Variants in ANKRD12 observed in about 807,000 individuals in gnomAD.
The protein encoded by ANKRD12 is ankyrin repeat domain-containing protein 12.
ANKRD12 carries 85 observed loss-of-function variants against 183.4 expected under a neutral mutation model. The ratio of observed to expected loss-of-function variants is 0.46; its 90% confidence interval spans 0.39 to 0.56. ANKRD12 has a LOEUF of 0.56. ANKRD12 is among the 20% of genes least tolerant of loss of function. ANKRD12 has a pLI of 0.00. For missense variants in ANKRD12, 2,405 were observed against 2,357.1 expected (o/e 1.02, Z -0.42); for synonymous variants, 914 against 800.2 (o/e 1.14, Z -2.40).
chr18:9,262,786 C>CTTTTTTTTTTTTTTTTTTTTT lies in ANKRD12; in HGVS notation c.5665-1004_5665-1003insTTTTTTTTTTTTTTTTTTTTT, dbSNP rs775877613. 2.0e-4 allele frequency among the ~76,000 whole-genome samples: 18 copies of CTTTTTTTTTTTTTTTTTTTTT among 87,932 alleles called. 8 individuals carry two copies. Among genetic ancestry groups the CTTTTTTTTTTTTTTTTTTTTT allele is most frequent in the Non-Finnish European group, 2.0e-4 (9 of 44,262 alleles). 57.7% of individuals were successfully genotyped at this position (87,932 alleles called of 152,430 possible). On this transcript the variant is annotated intron_variant, in intron 9 of 12. Transcript: ENST00000262126. ...AGCCACCATGCCCAGCCAAGATGTC[C>CTTTTTTTTTTTTTTTTTTTTT]CTTTTTTTTTTTTTTTTTTTTTTTT...
chr18:9,258,442 TA>T lies in ANKRD12; in HGVS notation c.5179del (p.Thr1727LeufsTer9). On this transcript the variant is annotated frameshift_variant, in exon 9 of 13. Coordinates refer to ENST00000262126, the MANE Select transcript of ANKRD12 (RefSeq NM_015208.5). LOFTEE classifies it high-confidence loss of function. ...AATTAGAAGAAAATGCCGAAGATGA[TA>T]AAACTGAAAACCAAATCCCTCAAAG... The part of the protein sequence containing the change: ...VELEENAEDD[K>X]TENQIPQRMT... The T allele has an allele frequency of 6.2e-7, 1 of 1,613,702 alleles. No homozygotes were observed. Among genetic ancestry groups the T allele is most frequent in the Non-Finnish European group, 8.5e-7 (1 of 1,179,932 alleles).
intron 1 of ANKRD12, among the ~76,000 whole-genome samples, chr18:9,156,025 C>T (rs904680369): frequency 2.0e-5 from 3 of 150,112 alleles, no homozygotes; most frequent in Admixed American, 6.7e-5. Flanking sequence ...ATCCCAGCTA[C>T]TTGAGAGGCT....
chr18:9,238,278 TC>T (rs746804744), intron 8 of ANKRD12, among the ~76,000 whole-genome samples: 20 of 152,202 alleles, frequency 1.3e-4, no homozygotes, highest in Non-Finnish European at 2.2e-4. Flanking sequence ...TTCTGGACCC[TC>T]TTCTCATGCT....
At chr18:9,229,024 A>G (rs1233690013) in intron 8 of ANKRD12, among the ~76,000 whole-genome samples, 1 of 152,078 alleles carries the variant, frequency 6.6e-6, no homozygotes, top group African/African-American at 2.4e-5. Flanking sequence ...ATTCTTCTGC[A>G]TATGGTTATC....
intron 5 of ANKRD12, among the ~76,000 whole-genome samples, chr18:9,209,579 T>G (rs555664942): frequency 6.6e-6 from 1 of 152,308 alleles, no homozygotes; most frequent in African/African-American, 2.4e-5. Flanking sequence ...TATTATAATT[T>G]CAAAGCATGA....
At chr18:9,218,394 G>C (rs909464635) in intron 7 of ANKRD12, among the ~76,000 whole-genome samples, 1 of 152,176 alleles carries the variant, frequency 6.6e-6, no homozygotes, top group Non-Finnish European at 1.5e-5. Flanking sequence ...TTGTGCGTTA[G>C]GAGGAAGAAT....
In ANKRD12 at chr18:9,257,711, C is replaced by T. The variant is rs771231935; in HGVS notation, c.4444C>T (p.Pro1482Ser). 3.1e-6 allele frequency: 5 copies of T among 1,613,926 alleles called. No individual in the cohort carries two copies. In the African/African-American group the frequency reaches 6.7e-5, roughly 22 times the overall value. ...ELPGNSCAQD[P>S]ASFMPPQQPC... Reference sequence around the variant, plus strand: ...GCCAGGAAACTCTTGTGCTCAGGATCCGGCATCCTTTATGCCTCCACAGCA... The same window carrying T: ...GCCAGGAAACTCTTGTGCTCAGGATTCGGCATCCTTTATGCCTCCACAGCA... The change falls in exon 9 of 13, where the codon CCG (proline) becomes TCG (serine). Residue 1482 changes from proline (P) to serine (S), a missense_variant. Transcript: ENST00000262126.
At chr18:9,206,977 T>C (rs576968587) in intron 4 of ANKRD12, among the ~76,000 whole-genome samples, 1 of 152,210 alleles carries the variant, frequency 6.6e-6, no homozygotes, top group African/African-American at 2.4e-5. Flanking sequence ...ATTTCTTGTC[T>C]TTGAAACATC....
At position 9,195,686 on chromosome 18, in the gene ANKRD12, G is replaced by C; in HGVS notation, c.223G>C (p.Asp75His). The change falls in exon 3 of 13, where the codon GAT becomes CAT. Residue 75 changes from aspartate (D) to histidine (H), a missense_variant. Coordinates refer to ENST00000262126, the MANE Select transcript of ANKRD12 (RefSeq NM_015208.5). Reference sequence around the variant, plus strand: ...TAGCCCATCAAGAAATGAAGAACGAGATTCAGACACAGGTAGAATAATTTG... The same window carrying C: ...TAGCCCATCAAGAAATGAAGAACGACATTCAGACACAGGTAGAATAATTTG... The part of the protein sequence containing the change: ...TISPSRNEER[D>H]SDTDSDPGHT... 6.2e-7 allele frequency: 1 copy of C among 1,609,506 alleles called. No individual in the cohort carries two copies. The highest frequency in any genetic ancestry group is 8.5e-7 in the Non-Finnish European group (1 of 1,177,938).
Position 9,256,977 on chromosome 18 carries a change from G to A in ANKRD12, c.3710G>A (p.Ser1237Asn). 1 of 1,614,126 alleles carries A rather than the reference G, an allele frequency of 6.2e-7. No individual in the cohort carries two copies. Among genetic ancestry groups the A allele is most frequent in the Non-Finnish European group, 8.5e-7 (1 of 1,180,002 alleles). ...VEYDSDFMLE[S>N]SESQMSFSQS... ...TATGACTCTGACTTTATGTTAGAGA[G>A]TTCAGAATCCCAAATGTCCTTTTCC... is the stretch of plus-strand genomic sequence containing the variant. The change falls in exon 9 of 13, where the codon AGT (serine) becomes AAT (asparagine). Residue 1237 changes from serine to asparagine, a missense_variant. Transcript: ENST00000262126.
At chr18:9,259,884 T>C (rs949194604) in intron 9 of ANKRD12, 3 of 152,140 alleles carry the variant, frequency 2.0e-5, no homozygotes, top group Non-Finnish European at 2.9e-5. Flanking sequence ...TCAAGGCAGG[T>C]TGAAATAGTA....
At chr18:9,158,983 T>G (rs114940920) in intron 1 of ANKRD12, among the ~76,000 whole-genome samples, 1 of 152,350 alleles carries the variant, frequency 6.6e-6, no homozygotes, top group African/African-American at 2.4e-5. Flanking sequence ...TTGGGACCCC[T>G]TTCACTTTGC....
At chr18:9,204,607 T>C in intron 4 of ANKRD12, 63 bp downstream of exon 4, 1 of 1,231,412 alleles carries the variant, frequency 8.1e-7, no homozygotes, top group South Asian at 1.3e-5. Context: ...CAATTAATTA[T>C]TGTACTATAA....
chr18:9,149,792 A>ATTTATTT (rs75749856), intron 1 of ANKRD12, among the ~76,000 whole-genome samples: 3 of 28,200 alleles, frequency 1.1e-4, no homozygotes, highest in Admixed American at 3.4e-4. Flanking sequence ...TTATTTATTA[A>ATTTATTT]ATTTTATTTT....
At chr18:9,216,319 A>G (rs2036101635) in intron 6 of ANKRD12, among the ~76,000 whole-genome samples, 2 of 152,124 alleles carry the variant, frequency 1.3e-5, no homozygotes, top group Non-Finnish European at 2.9e-5. Context: ...ATCCACTTCT[A>G]CTTAATGAAT....
At chr18:9,275,418 A>T (rs2039784697) in intron 10 of ANKRD12, 106 bp from the exon 11 acceptor site, 2 of 932,300 alleles carry the variant, frequency 2.1e-6, no homozygotes. Flanking sequence ...GGCTGCAGTG[A>T]GCTGTGATCA....
chr18:9,248,733 G>A (rs2038110750), intron 8 of ANKRD12, among the ~76,000 whole-genome samples: 1 of 152,210 alleles, frequency 6.6e-6, no homozygotes, highest in Admixed American at 6.5e-5. Context: ...TAGGAAGACA[G>A]GCAAGTCAGT....
At chr18:9,274,268 G>A (rs917354156) in intron 10 of ANKRD12, among the ~76,000 whole-genome samples, 5 of 152,190 alleles carry the variant, frequency 3.3e-5, no homozygotes, top group East Asian at 1.9e-4. Flanking sequence ...TTGGGGTAGC[G>A]TTTTCTGCCA....
chr18:9,176,304 T>C (rs2033262674), intron 1 of ANKRD12, among the ~76,000 whole-genome samples: 2 of 152,154 alleles, frequency 1.3e-5, no homozygotes. Context: ...GGTCTGGCTC[T>C]GTCACTCAGG....
Sources: allele counts gnomAD v4.1 joint callset (sites outside exome capture counted in the v4.1 genomes callset), GRCh38; gene constraint gnomAD v4.1.1; transcripts MANE v1.5; gene names NCBI Gene and HGNC (gene_info 2026-07-23, HGNC 2026-07-21).